The following PIK3R4 variants were observed in gnomAD, a reference collection of about 807,000 sequenced individuals.
PIK3R4 encodes the protein phosphoinositide 3-kinase regulatory subunit 4.
A neutral mutation model predicts 136.5 loss-of-function variants in PIK3R4; 46 were observed. The observed-to-expected ratio is 0.34, with a 90% CI of 0.27 to 0.43. PIK3R4 has a LOEUF of 0.43. Ranked by LOEUF, PIK3R4 falls within the 20% of genes least tolerant of loss-of-function variation. PIK3R4 has a pLI of 1.00. For synonymous variants in PIK3R4, 557 were observed against 566.7 expected, an observed-to-expected ratio of 0.98 and a Z score of 0.24; for missense variants, 1,331 against 1,649.5, an observed-to-expected ratio of 0.81 and a Z score of 3.35.
intron 13 of PIK3R4, among the ~76,000 whole-genome samples, chr3:130,699,288 A>C (rs892123324): frequency 3.3e-5 from 5 of 152,210 alleles, no homozygotes; most frequent in Admixed American, 2.0e-4. Context: ...GAGTTTTCTC[A>C]AAGAACAAGG....
At chr3:130,714,197 A>G (rs1001907327) in intron 9 of PIK3R4, among the ~76,000 whole-genome samples, 1 of 152,252 alleles carries the variant, frequency 6.6e-6, no homozygotes, top group East Asian at 1.9e-4. Context: ...CGTACAAGCC[A>G]AGGTTAAAAG....
intron 7 of PIK3R4, among the ~76,000 whole-genome samples, chr3:130,722,044 A>G (rs932865619): frequency 1.7e-4 from 23 of 138,642 alleles, no homozygotes; most frequent in African/African-American, 4.5e-4. Context: ...AAAGCTGGGG[A>G]AAAAAAAATC....
Position 130,680,999 on chromosome 3 carries a change from C to CTGTT in PIK3R4, c.3771_3774dup (p.Ala1259AsnfsTer27), listed in dbSNP as rs1169451599. The CTGTT allele has an allele frequency of 3.2e-6, 5 of 1,567,764 alleles. No individual in the cohort carries two copies. Among genetic ancestry groups the CTGTT allele is most frequent in the Non-Finnish European group, 4.4e-6 (5 of 1,145,154 alleles). On this transcript the variant is annotated frameshift_variant, in exon 18 of 20. Coordinates refer to ENST00000356763, the MANE Select transcript of PIK3R4 (RefSeq NM_014602.3). LOFTEE classifies it high-confidence loss of function. ...TACCTTATTTTCATATCTGAGCCAG[C>CTGTT]TGTTAGTAGGATAGGATTTCCATCT...
intron 13 of PIK3R4, among the ~76,000 whole-genome samples, chr3:130,701,062 C>A (rs2066571717): frequency 6.6e-6 from 1 of 152,110 alleles, no homozygotes; most frequent in Admixed American, 6.5e-5. Context: ...CACTGGGATA[C>A]AGAAGGTATG....
rs1485909771 is a variant in PIK3R4, at chr3:130,718,605, T to C, written c.1982-71A>G. 3.4e-6 allele frequency: 5 copies of C among 1,476,368 alleles called. No individual in the cohort carries two copies. The East Asian group carries it at 1.2e-4, about 34-fold the overall frequency. 91.5% of individuals were successfully genotyped at this position (1,476,368 alleles called of 1,614,324 possible). On this transcript the variant is annotated intron_variant, in intron 7 of 19. Coordinates refer to ENST00000356763, the MANE Select transcript of PIK3R4 (RefSeq NM_014602.3). Reference sequence around the variant, plus strand: ...CTATCGGGATAAACAAATTTTTACCTTATAACGTAACTGACAAAAGGATTT... The same window carrying C: ...CTATCGGGATAAACAAATTTTTACCCTATAACGTAACTGACAAAAGGATTT...
chr3:130,725,131 A>T (rs1326082719), intron 6 of PIK3R4, among the ~76,000 whole-genome samples: 1 of 152,004 alleles, frequency 6.6e-6, no homozygotes, highest in Non-Finnish European at 1.5e-5. Context: ...ACAAACTGAA[A>T]TGTACAATGA....
Position 130,730,454 on chromosome 3 carries a change from AAAGG to A in PIK3R4, c.1451-16_1451-13del, listed in dbSNP as rs1213302102. 6.5e-7 allele frequency: 1 copy of A among 1,543,868 alleles called. No individual in the cohort carries two copies. The highest frequency in any genetic ancestry group is 2.3e-5 in the East Asian group (1 of 43,214). ...CAGAGCTATGTTTTCTATAAAATAA[AAAGG>A]AAGAAAATTTATAATTACAATCTTA... On this transcript the variant is annotated splice_polypyrimidine_tract_variant and intron_variant, in intron 4 of 19. Coordinates refer to ENST00000356763, the MANE Select transcript of PIK3R4 (RefSeq NM_014602.3).
At chr3:130,718,647 T>TACCA (rs2066680692) in intron 7 of PIK3R4, 113 bp from the exon 8 acceptor site, 75 of 890,534 alleles carry the variant, frequency 8.4e-5, no homozygotes, top group Non-Finnish European at 1.2e-4. Context: ...AGTGTTACTA[T>TACCA]CAGGAGCCTT....
rs896171211 is a variant in PIK3R4, at chr3:130,721,888, T to C, written c.1981+1526A>G. Among the ~76,000 whole-genome samples, 3 of 152,170 alleles carry C rather than the reference T, an allele frequency of 2.0e-5. 1 individual carries two copies. The highest frequency in any genetic ancestry group is 4.4e-5 in the Non-Finnish European group (3 of 68,020). ...TACTGGAAAATCACTAGGGTGTAAC[T>C]CTTAAATGTTCTTACCACTAAAGAA... On this transcript the variant is annotated intron_variant, in intron 7 of 19. Coordinates refer to ENST00000356763, the MANE Select transcript of PIK3R4 (RefSeq NM_014602.3).
chr3:130,714,382 A>G (rs893498512), intron 9 of PIK3R4, among the ~76,000 whole-genome samples: 3 of 152,106 alleles, frequency 2.0e-5, no homozygotes, highest in African/African-American at 7.2e-5. Context: ...CAAGATGTAC[A>G]TTTAGATTTA....
intron 10 of PIK3R4, among the ~76,000 whole-genome samples, chr3:130,707,998 A>G (rs2066614543): frequency 6.6e-6 from 1 of 152,198 alleles, no homozygotes; most frequent in Non-Finnish European, 1.5e-5. Context: ...TTTCATCTTC[A>G]ATCATACACC....
Position 130,720,272 on chromosome 3 carries a change from C to T in PIK3R4, c.1982-1738G>A, listed in dbSNP as rs554166759. Among the ~76,000 whole-genome samples, 151 of 151,978 alleles carry T rather than the reference C, an allele frequency of 9.9e-4. 1 individual carries two copies. Among genetic ancestry groups the T allele is most frequent in the African/African-American group, 3.6e-3 (149 of 41,444 alleles). On this transcript the variant is annotated intron_variant, in intron 7 of 19. Coordinates refer to ENST00000356763, the MANE Select transcript of PIK3R4 (RefSeq NM_014602.3). ...GTGCAATGGCACGATCTCGACTCAT[C>T]GCAACCTCCGCCTCCTGGATTCAAG...
chr3:130,679,594 A>C, intron 19 of PIK3R4, 109 bp from the exon 20 acceptor site: 1 of 720,564 alleles, frequency 1.4e-6, no homozygotes, highest in East Asian at 2.6e-5. Flanking sequence ...TTAAGTTAAC[A>C]CCTTTTGTAG....
At chr3:130,695,707 GTGT>G (rs1489314271) in intron 13 of PIK3R4, among the ~76,000 whole-genome samples, 2 of 152,108 alleles carry the variant, frequency 1.3e-5, no homozygotes, top group East Asian at 1.9e-4. Flanking sequence ...TGTTCTATTA[GTGT>G]TGTTGATCTC....
In PIK3R4 at chr3:130,690,571, G is replaced by C; in HGVS notation, c.3182C>G (p.Ser1061Cys). 1 of 1,612,784 alleles carries C rather than the reference G, an allele frequency of 6.2e-7. No homozygotes were observed. The highest frequency in any genetic ancestry group is 1.1e-5 in the South Asian group (1 of 91,032). Residue 1061 changes from serine (S) to cysteine (C), a missense_variant, in exon 14 of 20, where the codon TCT becomes TGT. Ser to Cys is a moderately radical substitution (Grantham distance 112). Transcript: ENST00000356763. ...CQGSHYLAIASDNGAVQLLGI... is the reference protein window; with the variant it reads ...CQGSHYLAIACDNGAVQLLGI... ...AAGAAGCTGGACAGCACCATTATCAGATGCTATGGCTAAATAGTGGGAGCC... is the reference window on the plus strand; with the variant it reads ...AAGAAGCTGGACAGCACCATTATCACATGCTATGGCTAAATAGTGGGAGCC...
At position 130,707,042 on chromosome 3, in the gene PIK3R4, G is replaced by A. The variant is rs750272389; in HGVS notation, c.2627C>T (p.Pro876Leu). Residue 876 changes from proline (P) to leucine (L), a missense_variant, in exon 11 of 20, where the codon CCT (proline) becomes CTT (leucine). Physicochemically the swap from Pro to Leu is moderately conservative, Grantham distance 98. Around this residue, in one of 2 missense-constraint regions of PIK3R4, gnomAD observed 1,180 missense variants for 1,407.0 expected, o/e 0.84. Coordinates refer to ENST00000356763, the MANE Select transcript of PIK3R4 (RefSeq NM_014602.3). ...AATCACCTCCTGATCACTCCCTTTA[G>A]GTAGGGCCTGTGGCATGTTTGGTGG... Reference protein sequence around the residue: ...LDPPNMPQALPKGSDQEVIQT... With the variant: ...LDPPNMPQALLKGSDQEVIQT... The A allele has an allele frequency of 2.7e-5, 44 of 1,612,846 alleles. No homozygotes were observed. Among genetic ancestry groups the A allele is most frequent in the Non-Finnish European group, 3.6e-5 (42 of 1,179,522 alleles).
chr3:130,738,738 C>T (rs2403311), intron 2 of PIK3R4, among the ~76,000 whole-genome samples: 29,213 of 151,198 alleles, frequency 0.19, 3,092 homozygotes, highest in South Asian at 0.35. Context: ...AGGAATCAGC[C>T]TGAGAAGGCT....
chr3:130,694,151 C>T (rs753515462), intron 13 of PIK3R4, among the ~76,000 whole-genome samples: 3 of 152,036 alleles, frequency 2.0e-5, no homozygotes, highest in Admixed American at 6.5e-5. Flanking sequence ...TCCTTATACC[C>T]GTACTACACT....
At chr3:130,739,585 C>A (rs753730092) in intron 2 of PIK3R4, among the ~76,000 whole-genome samples, 1 of 151,906 alleles carries the variant, frequency 6.6e-6, no homozygotes, top group Non-Finnish European at 1.5e-5. Flanking sequence ...ATTGTCCAGG[C>A]TGGTCTTGAA....
Sources: gnomAD v4.1 joint callset for allele counts (sites outside exome capture counted in the v4.1 genomes callset) on GRCh38, gnomAD v4.1.1 for gene constraint, gnomAD v4.1.1 regional missense constraint, MANE v1.5 for transcripts, NCBI Gene and HGNC (gene_info 2026-07-23, HGNC 2026-07-21) for gene names.